DLGAP1: variants seen among roughly 807,000 people sequenced by gnomAD.
The protein encoded by DLGAP1 is disks large-associated protein 1.
A neutral mutation model predicts 90.8 loss-of-function variants in DLGAP1; 11 were observed. The observed-to-expected ratio is 0.12, with a 90% CI of 0.08 to 0.20. DLGAP1 has a LOEUF of 0.20. DLGAP1 is among the 10% of genes least tolerant of loss of function. The pLI is 1.00. For synonymous variants in DLGAP1, 558 were observed against 540.7 expected (o/e 1.03, Z -0.44); for missense variants, 1,050 against 1,333.8 (o/e 0.79, Z 3.31).
At chr18:3,600,640 C>T (rs961504300) in intron 7 of DLGAP1, among the ~76,000 whole-genome samples, 11 of 147,348 alleles carry the variant, frequency 7.5e-5, no homozygotes, top group Non-Finnish European at 1.6e-4. Context: ...ATATACATTA[C>T]AGAATGGAGA....
At chr18:4,004,907 GGTGT>G (rs3031739) in intron 3 of DLGAP1, 93,198 of 146,780 alleles carry the variant, frequency 0.63, 30,736 homozygotes, top group South Asian at 0.75. Context: ...CAGAGGGAAG[GGTGT>G]GTGTGTGTGT....
chr18:3,917,374 G>T (rs2072168413), intron 3 of DLGAP1, among the ~76,000 whole-genome samples: 1 of 152,188 alleles, frequency 6.6e-6, no homozygotes, highest in African/African-American at 2.4e-5. Context: ...CGCACCCATG[G>T]GTTACAAAGG....
chr18:3,654,124 T>C (rs1173445956), intron 7 of DLGAP1: 2 of 152,076 alleles, frequency 1.3e-5, no homozygotes, highest in African/African-American at 4.8e-5. Flanking sequence ...CCTCAGACAA[T>C]AAGCTGCCCA....
At chr18:3,783,911 T>G (rs1251686024) in intron 5 of DLGAP1, among the ~76,000 whole-genome samples, 1 of 152,210 alleles carries the variant, frequency 6.6e-6, no homozygotes, top group Non-Finnish European at 1.5e-5. Flanking sequence ...GAGAATCTTA[T>G]GTGTCCTCAT....
chr18:4,438,294 T>A (rs1265286355), intron 1 of DLGAP1, among the ~76,000 whole-genome samples: 1 of 152,080 alleles, frequency 6.6e-6, no homozygotes, highest in Non-Finnish European at 1.5e-5. Context: ...TGATGGGTCC[T>A]ACATTATTTT....
intron 6 of DLGAP1, among the ~76,000 whole-genome samples, chr18:3,741,159 C>CCATCACCACCA (rs1259475165): frequency 1.3e-4 from 14 of 111,322 alleles, no homozygotes; most frequent in Admixed American, 2.6e-4. Flanking sequence ...ATCACCACCA[C>CCATCACCACCA]CATCACCACC....
At chr18:3,613,865 T>G (rs1384334084) in intron 7 of DLGAP1, among the ~76,000 whole-genome samples, 1 of 152,172 alleles carries the variant, frequency 6.6e-6, no homozygotes, top group African/African-American at 2.4e-5. Flanking sequence ...CCTTTGTAAG[T>G]TGCAAAGTGC....
chr18:3,563,976 T>C (rs974047412), intron 9 of DLGAP1, among the ~76,000 whole-genome samples: 8 of 152,178 alleles, frequency 5.3e-5, no homozygotes, highest in Non-Finnish European at 1.2e-4. Flanking sequence ...CTCTACATGT[T>C]CTGCTTCTTT....
At chr18:3,690,734 T>C (rs2060863826) in intron 7 of DLGAP1, among the ~76,000 whole-genome samples, 1 of 152,240 alleles carries the variant, frequency 6.6e-6, no homozygotes, top group South Asian at 2.1e-4. Flanking sequence ...GTAATGTCTA[T>C]TCTTTTTTTG....
chr18:4,223,488 A>G (rs2078121731), intron 1 of DLGAP1, among the ~76,000 whole-genome samples: 1 of 152,190 alleles, frequency 6.6e-6, no homozygotes, highest in African/African-American at 2.4e-5. Context: ...CATTTGAATA[A>G]GATGTGCAAA....
intron 3 of DLGAP1, among the ~76,000 whole-genome samples, chr18:3,918,610 T>C (rs1287254046): frequency 1.3e-5 from 2 of 152,156 alleles, no homozygotes; most frequent in Non-Finnish European, 2.9e-5. Context: ...CTGGAGATTT[T>C]CCCCCTAAGT....
chr18:4,102,638 T>C lies in DLGAP1; in HGVS notation c.-159+48542A>G, dbSNP rs141105622. ...CTCCATGAAAATGAAGTCGCTTCCTTCATCTCCCTTCAGATTTTTCATAAT... is the reference window on the plus strand; with the variant it reads ...CTCCATGAAAATGAAGTCGCTTCCTCCATCTCCCTTCAGATTTTTCATAAT... On this transcript the variant is annotated intron_variant, in intron 2 of 12. Coordinates refer to ENST00000315677, the MANE Select transcript of DLGAP1 (RefSeq NM_004746.4). Among the ~76,000 whole-genome samples, 991 of 152,286 alleles carry C rather than the reference T, an allele frequency of 6.5e-3. 6 individuals carry two copies. Among genetic ancestry groups the C allele is most frequent in the Non-Finnish European group, 9.5e-3 (643 of 68,020 alleles).
chr18:3,773,286 A>AT (rs1316047974), intron 5 of DLGAP1, among the ~76,000 whole-genome samples: 3 of 152,098 alleles, frequency 2.0e-5, no homozygotes, highest in African/African-American at 7.2e-5. Context: ...ATATAAGAAC[A>AT]TTTGGTAATA....
At position 3,498,808 on chromosome 18, in the gene DLGAP1, C is replaced by A. The variant is rs2049779787; in HGVS notation, c.*377G>T. The A allele has an allele frequency of 9.5e-6, 2 of 210,270 alleles. No homozygotes were observed. Among genetic ancestry groups the A allele is most frequent in the Non-Finnish European group, 9.3e-6 (1 of 107,126 alleles). The allele number at this position is 210,270 out of a possible 1,614,324, so 13.0% of individuals were successfully genotyped here. A position where few individuals can be genotyped will look rare whatever the true frequency, so the allele number is the denominator to read the frequency against. ...CCTGTGATACTGGATTTCTGAAATA[C>A]CCTATGGTTTTATATTGCTGAACAG... On this transcript the variant is annotated 3_prime_UTR_variant, in exon 13 of 13. Coordinates refer to ENST00000315677, the MANE Select transcript of DLGAP1 (RefSeq NM_004746.4).
intron 1 of DLGAP1, among the ~76,000 whole-genome samples, chr18:4,324,795 G>C (rs2080778852): frequency 1.2e-5 from 1 of 84,084 alleles, no homozygotes; most frequent in South Asian, 3.3e-4. Context: ...ATGCAGAAAA[G>C]CCTTTTGATA....
intron 3 of DLGAP1, among the ~76,000 whole-genome samples, chr18:3,900,199 A>G (rs1568288870): frequency 1.3e-5 from 2 of 152,200 alleles, no homozygotes; most frequent in Non-Finnish European, 2.9e-5. Context: ...ATAATTGAAC[A>G]GGGGATGTGG....
chr18:3,605,825 ATT>A (rs11301972), intron 7 of DLGAP1, among the ~76,000 whole-genome samples: 2 of 151,762 alleles, frequency 1.3e-5, no homozygotes, highest in African/African-American at 4.8e-5. Flanking sequence ...GCGGCAGGAG[ATT>A]TTTTTTGCCT....
chr18:3,564,365 T>C (rs1272702262), intron 9 of DLGAP1, among the ~76,000 whole-genome samples: 1 of 152,130 alleles, frequency 6.6e-6, no homozygotes, highest in Non-Finnish European at 1.5e-5. Context: ...GTTGGGTATG[T>C]CCCTTCCCCC....
At chr18:4,428,235 G>A (rs188392656) in intron 1 of DLGAP1, among the ~76,000 whole-genome samples, 95 of 152,200 alleles carry the variant, frequency 6.2e-4, no homozygotes, top group Middle Eastern at 6.8e-3. Context: ...ACCACCACGC[G>A]CCTTGGTCTT....
Sources: allele counts gnomAD v4.1 joint callset (sites outside exome capture counted in the v4.1 genomes callset), GRCh38; gene constraint gnomAD v4.1.1; transcripts MANE v1.5; gene names NCBI Gene and HGNC (gene_info 2026-07-23, HGNC 2026-07-21).